The following PDE4D variants were observed in gnomAD, a reference collection of about 807,000 sequenced individuals.
PDE4D encodes the protein phosphodiesterase 4D.
A neutral mutation model predicts 87.4 loss-of-function variants in PDE4D; 24 were observed. That is an observed-to-expected ratio of 0.27 (90% CI 0.20 to 0.39). The LOEUF (loss-of-function observed/expected upper bound fraction) is 0.39, where lower values mean the gene tolerates loss of function less well. Ranked by LOEUF, PDE4D falls within the 10% of genes least tolerant of loss-of-function variation. The pLI is 1.00. For missense variants in PDE4D, 714 were observed against 1,041.0 expected (o/e 0.69, Z 4.32); for synonymous variants, 384 against 383.2 (o/e 1.00, Z -0.02).
intron 1 of PDE4D, among the ~76,000 whole-genome samples, chr5:60,254,920 C>T (rs1425890865): frequency 1.3e-5 from 2 of 151,796 alleles, no homozygotes; most frequent in African/African-American, 4.8e-5. Context: ...ATTAATACAG[C>T]TATTAATATA....
At chr5:59,699,860 C>T (rs912055726) in intron 1 of PDE4D, among the ~76,000 whole-genome samples, 1 of 152,094 alleles carries the variant, frequency 6.6e-6, no homozygotes, top group African/African-American at 2.4e-5. Flanking sequence ...CAGTATATCC[C>T]TCATTTCAGT....
At chr5:60,187,805 C>A (rs1441105715) in intron 1 of PDE4D, among the ~76,000 whole-genome samples, 1 of 152,106 alleles carries the variant, frequency 6.6e-6, no homozygotes, top group African/African-American at 2.4e-5. Context: ...ACTTTGGAAC[C>A]AAATAGGTAT....
intron 1 of PDE4D, among the ~76,000 whole-genome samples, chr5:59,862,791 T>C (rs1443403086): frequency 6.6e-6 from 1 of 152,186 alleles, no homozygotes; most frequent in Non-Finnish European, 1.5e-5. Context: ...TTATCTGTAA[T>C]ATAAGAAGCT....
At chr5:59,594,803 T>C (rs1054964772) in intron 1 of PDE4D, among the ~76,000 whole-genome samples, 13 of 152,182 alleles carry the variant, frequency 8.5e-5, no homozygotes, top group East Asian at 5.8e-4. Flanking sequence ...AAATGGAAGA[T>C]ATACATCAAT....
intron 2 of PDE4D, among the ~76,000 whole-genome samples, chr5:60,078,403 TC>T (rs1235302773): frequency 6.6e-6 from 1 of 152,216 alleles, no homozygotes; most frequent in Non-Finnish European, 1.5e-5. Flanking sequence ...CAAGAGATTT[TC>T]TTTTTTTTCT....
chr5:59,705,743 T>C (rs887391952), intron 1 of PDE4D, among the ~76,000 whole-genome samples: 3 of 152,190 alleles, frequency 2.0e-5, no homozygotes, highest in African/African-American at 7.2e-5. Flanking sequence ...CAGCACCCTA[T>C]ACATGTTATG....
At chr5:59,525,904 A>G (rs911237572) in intron 1 of PDE4D, among the ~76,000 whole-genome samples, 3 of 152,148 alleles carry the variant, frequency 2.0e-5, no homozygotes, top group Admixed American at 1.3e-4. Flanking sequence ...AGTTTCCTGA[A>G]GCCTTTCCAG....
intron 3 of PDE4D, among the ~76,000 whole-genome samples, chr5:59,954,479 G>A (rs548756109): frequency 1.3e-5 from 2 of 152,010 alleles, no homozygotes; most frequent in African/African-American, 2.4e-5. Context: ...TGTTTACATG[G>A]AAGATTTAGA....
chr5:59,538,181 T>C (rs1815617278), intron 1 of PDE4D, among the ~76,000 whole-genome samples: 3 of 152,230 alleles, frequency 2.0e-5, no homozygotes, highest in Admixed American at 2.0e-4. Context: ...CACATAACAC[T>C]TAAAACTGAC....
chr5:60,460,678 G>A, intron 1 of PDE4D: 3 of 1,019,152 alleles, frequency 2.9e-6, no homozygotes, highest in Non-Finnish European at 3.0e-6. Flanking sequence ...CGGTCCCAGA[G>A]CAGGAGGCAT....
intron 1 of PDE4D, among the ~76,000 whole-genome samples, chr5:59,528,370 T>G (rs949394011): frequency 2.6e-5 from 4 of 152,076 alleles, no homozygotes; most frequent in Admixed American, 6.6e-5. Context: ...GAGCATAAGG[T>G]CAAAATATAA....
At chr5:59,762,668 G>GTGTATATGTGTATATAGGTACA (rs1561618064) in intron 1 of PDE4D, among the ~76,000 whole-genome samples, 5 of 109,724 alleles carry the variant, frequency 4.6e-5, no homozygotes, top group African/African-American at 1.4e-4. Flanking sequence ...ATATAGGTAC[G>GTGTATATGTGTATATAGGTACA]TATGTGTATA....
At chr5:59,939,142 G>A (rs568935114) in intron 3 of PDE4D, among the ~76,000 whole-genome samples, 19 of 152,192 alleles carry the variant, frequency 1.2e-4, no homozygotes, top group Non-Finnish European at 2.6e-4. Context: ...GTAGGGCGGA[G>A]TATCCTGTTA....
intron 1 of PDE4D, among the ~76,000 whole-genome samples, chr5:59,724,724 T>C (rs1160098241): frequency 1.3e-5 from 2 of 152,050 alleles, no homozygotes; most frequent in Non-Finnish European, 2.9e-5. Context: ...AAATGACACA[T>C]AGGGCATATA....
chr5:60,040,964 T>G lies in PDE4D; in HGVS notation c.43-52247A>C, dbSNP rs557931083. Among the ~76,000 whole-genome samples the G allele has an allele frequency of 1.4e-4, 22 of 152,190 alleles. 1 individual carries two copies. Among genetic ancestry groups the G allele is most frequent in the Admixed American group, 1.4e-3 (21 of 15,276 alleles). ...CTCACTATAAGTTGAATGCTTTAGC[T>G]GATTAAAATAAAAGTATTTTAGTAT... is the stretch of plus-strand genomic sequence containing the variant. On this transcript the variant is annotated intron_variant, in intron 2 of 16. Coordinates refer to the PDE4D transcript ENST00000502484.
chr5:59,330,167 G>A (rs1776447917), intron 1 of PDE4D, among the ~76,000 whole-genome samples: 1 of 152,112 alleles, frequency 6.6e-6, no homozygotes, highest in Non-Finnish European at 1.5e-5. Flanking sequence ...TTACTCTTGG[G>A]GATCAGGGGG....
rs543196969 is a variant in PDE4D at position 59,906,612 on chromosome 5, C to T, written c.272+81876G>A. 8.6e-5 allele frequency among the ~76,000 whole-genome samples: 13 copies of T among 151,952 alleles called. No homozygotes were observed. The East Asian group carries it at 1.2e-3, about 14-fold the overall frequency. On this transcript the variant is annotated intron_variant, in intron 3 of 16. Coordinates refer to the PDE4D transcript ENST00000502484. Reference sequence around the variant, plus strand: ...CACAAAGTCTAAAATATTTACTAAACGAATCTTTATAAAAACAGTTTGCTG... The same window carrying T: ...CACAAAGTCTAAAATATTTACTAAATGAATCTTTATAAAAACAGTTTGCTG...
intron 1 of PDE4D, among the ~76,000 whole-genome samples, chr5:59,439,634 A>G (rs527820284): frequency 6.6e-6 from 1 of 152,316 alleles, no homozygotes; most frequent in South Asian, 2.1e-4. Flanking sequence ...GTAAATGGAC[A>G]TAGTAAGTAA....
intron 6 of PDE4D, among the ~76,000 whole-genome samples, chr5:59,027,284 A>G (rs559730141): frequency 6.6e-6 from 1 of 152,338 alleles, no homozygotes; most frequent in East Asian, 1.9e-4. Context: ...TCGAGGGTAC[A>G]TGTTATCACT....
Sources: gnomAD v4.1 joint callset for allele counts (sites outside exome capture counted in the v4.1 genomes callset) on GRCh38, gnomAD v4.1.1 for gene constraint, MANE v1.5 for transcripts, NCBI Gene and HGNC (gene_info 2026-07-23, HGNC 2026-07-21) for gene names.